The following MRAS variants were observed in gnomAD, a reference collection of about 807,000 sequenced individuals.
MRAS encodes ras-related protein M-Ras.
A neutral mutation model predicts 20.9 loss-of-function variants in MRAS; 4 were observed. The observed-to-expected ratio is 0.19, with a 90% CI of 0.09 to 0.44. The LOEUF is 0.44. MRAS is among the 20% of genes least tolerant of loss of function. The pLI is 0.99. For missense variants in MRAS, 154 were observed against 277.5 expected, an observed-to-expected ratio of 0.56 and a Z score of 3.16; for synonymous variants, 98 against 102.9, an observed-to-expected ratio of 0.95 and a Z score of 0.29.
At chr3:138,381,113 A>G (rs2054894659) in intron 2 of MRAS, among the ~76,000 whole-genome samples, 1 of 152,158 alleles carries the variant, frequency 6.6e-6, no homozygotes, top group Admixed American at 6.5e-5. Context: ...CACTGTATGG[A>G]TGTACCATGT....
At position 138,403,635 on chromosome 3, in the gene MRAS, C is replaced by T. The variant is rs2291127; in HGVS notation, c.*1366C>T. 0.12 allele frequency: 18,532 copies of T among 152,764 alleles called. 1,210 individuals carry two copies. The highest frequency in any genetic ancestry group is 0.16 in the Non-Finnish European group (10,680 of 68,084). The allele number at this position is 152,764 out of a possible 1,614,324, so 9.5% of individuals were successfully genotyped here. A position where few individuals can be genotyped will look rare whatever the true frequency, so the allele number is the denominator to read the frequency against. On this transcript the variant is annotated 3_prime_UTR_variant, in exon 6 of 6. Coordinates refer to ENST00000423968, the MANE Select transcript of MRAS (RefSeq NM_001085049.3). ...CCAGCTCCCTGATGATGCTCACCCCCGCCCCCCCACCTCAGGTGCTGCTGG... is the reference window on the plus strand; with the variant it reads ...CCAGCTCCCTGATGATGCTCACCCCTGCCCCCCCACCTCAGGTGCTGCTGG...
At position 138,396,843 on chromosome 3, in the gene MRAS, T is replaced by G. The variant is rs560648875; in HGVS notation, c.194-481T>G. Among the ~76,000 whole-genome samples, 4 of 152,172 alleles carry G rather than the reference T, an allele frequency of 2.6e-5. No homozygotes were observed. The South Asian group carries it at 8.3e-4, about 32-fold the overall frequency. ...GCTTCCCCCCAGGCATGTCCACAAA[T>G]AAGCTCTTCTCCCCTAGGGGGTGCA... On this transcript the variant is annotated intron_variant, in intron 2 of 5. Transcript: ENST00000423968.
At chr3:138,364,257 G>A (rs139297291) in intron 1 of MRAS, among the ~76,000 whole-genome samples, 3 of 152,286 alleles carry the variant, frequency 2.0e-5, no homozygotes, top group East Asian at 1.9e-4. Flanking sequence ...TTTGCAGGGC[G>A]CTCAAGGAAC....
At chr3:138,354,477 G>A (rs2054290628) in intron 1 of MRAS, among the ~76,000 whole-genome samples, 1 of 152,192 alleles carries the variant, frequency 6.6e-6, no homozygotes, top group Non-Finnish European at 1.5e-5. Flanking sequence ...GGGGCTTCAT[G>A]TCCTCAGTTA....
intron 1 of MRAS, among the ~76,000 whole-genome samples, chr3:138,363,930 TGCTGGCA>T (rs1230881360): frequency 6.6e-6 from 1 of 150,510 alleles, no homozygotes; most frequent in African/African-American, 2.4e-5. Flanking sequence ...ATGCTGAACT[TGCTGGCA>T]GTTTGATATC....
intron 1 of MRAS, among the ~76,000 whole-genome samples, chr3:138,355,043 C>T (rs1383038204): frequency 1.3e-5 from 2 of 152,052 alleles, no homozygotes; most frequent in African/African-American, 2.4e-5. Context: ...CCTCGACCTC[C>T]CAAAGTGCTG....
upstream of MRAS, chr3:138,347,983 G>GT (rs1182603562): frequency 2.0e-5 from 3 of 152,244 alleles, no homozygotes; most frequent in African/African-American, 7.2e-5. Context: ...CTGGAGAGGA[G>GT]TTAGCGGAAC....
At chr3:138,395,562 C>T (rs1474081076) in intron 2 of MRAS, among the ~76,000 whole-genome samples, 1 of 152,144 alleles carries the variant, frequency 6.6e-6, no homozygotes, top group Non-Finnish European at 1.5e-5. Context: ...ACGTGGCTCC[C>T]TCCGGCCCCT....
intron 2 of MRAS, among the ~76,000 whole-genome samples, chr3:138,393,135 C>T (rs2055164554): frequency 6.6e-6 from 1 of 152,196 alleles, no homozygotes; most frequent in Admixed American, 6.5e-5. Context: ...TTTTTCCTGG[C>T]TCCTACCCTC....
At chr3:138,389,927 C>T (rs1239543170) in intron 2 of MRAS, among the ~76,000 whole-genome samples, 1 of 104,818 alleles carries the variant, frequency 9.5e-6, no homozygotes, top group Non-Finnish European at 2.2e-5. Flanking sequence ...TGACTTTTCT[C>T]CCTCTGGAAG....
chr3:138,401,591 G>A (rs1295916854), intron 5 of MRAS, among the ~76,000 whole-genome samples: 1 of 152,144 alleles, frequency 6.6e-6, no homozygotes, highest in Non-Finnish European at 1.5e-5. Flanking sequence ...AGGAGTTCAA[G>A]ACCAGCCTGG....
At chr3:138,400,389 A>G (rs374868360) in intron 4 of MRAS, 145 bp from the exon 5 acceptor site, 3 of 697,544 alleles carry the variant, frequency 4.3e-6, no homozygotes, top group East Asian at 2.5e-5. Context: ...GCCCTAAATG[A>G]TGCTTGAGGC....
At chr3:138,397,299 CCT>C in intron 2 of MRAS, 23 bp from the exon 3 acceptor site, 1 of 1,612,294 alleles carries the variant, frequency 6.2e-7, no homozygotes, top group Non-Finnish European at 8.5e-7. Flanking sequence ...GAGGACAGCC[CCT>C]GAGTGGCCTC....
chr3:138,367,251 A>G (rs553793357), intron 1 of MRAS, among the ~76,000 whole-genome samples: 2 of 152,252 alleles, frequency 1.3e-5, no homozygotes, highest in Admixed American at 6.5e-5. Flanking sequence ...GGGCCCTCCA[A>G]GTTTTTCTCA....
intron 1 of MRAS, among the ~76,000 whole-genome samples, chr3:138,366,551 C>T (rs1283239058): frequency 1.3e-5 from 2 of 152,214 alleles, no homozygotes; most frequent in South Asian, 4.1e-4. Flanking sequence ...CTGGGCCAGC[C>T]TCTGAGAATC....
At position 138,403,498 on chromosome 3, in the gene MRAS, T is replaced by A. The variant is rs1024403114; in HGVS notation, c.*1229T>A. On this transcript the variant is annotated 3_prime_UTR_variant, in exon 6 of 6. Transcript: ENST00000423968. ...TTGTAAAAGTAGTACTAGGTTGCCT[T>A]TTTGGCAATTTTTATTGACCTGTTG... 2.0e-5 allele frequency: 3 copies of A among 152,590 alleles called. No homozygotes were observed. The highest frequency in any genetic ancestry group is 4.8e-5 in the African/African-American group (2 of 41,450). 9.5% of individuals were successfully genotyped at this position (152,590 alleles called of 1,614,324 possible).
At chr3:138,387,915 G>A (rs1440625050) in intron 2 of MRAS, among the ~76,000 whole-genome samples, 1 of 152,192 alleles carries the variant, frequency 6.6e-6, no homozygotes, top group Non-Finnish European at 1.5e-5. Context: ...GCTGCAGGGT[G>A]TAGCCTCCAG....
intron 2 of MRAS, among the ~76,000 whole-genome samples, chr3:138,379,121 C>G (rs755822681): frequency 7.9e-5 from 12 of 152,020 alleles, no homozygotes; most frequent in Non-Finnish European, 1.6e-4. Context: ...AATACTAGAA[C>G]TTATTCCTTC....
rs912980981 is a variant in MRAS at position 138,404,906 on chromosome 3, A to G, written c.*2637A>G. The G allele has an allele frequency of 1.3e-5, 2 of 152,188 alleles. No homozygotes were observed. 9.4% of individuals were successfully genotyped at this position (152,188 alleles called of 1,614,324 possible). ...CATGTTCCCGTTGGTCTTCCGGAGA[A>G]TAGTGCTACCCTCACATCCCCTGGA... On this transcript the variant is annotated 3_prime_UTR_variant, in exon 6 of 6. Transcript: ENST00000423968.
Sources: gnomAD v4.1 joint callset for allele counts (sites outside exome capture counted in the v4.1 genomes callset) on GRCh38, gnomAD v4.1.1 for gene constraint, MANE v1.5 for transcripts, NCBI Gene and HGNC (gene_info 2026-07-23, HGNC 2026-07-21) for gene names.